Variants in MMP26 observed in about 807,000 individuals in gnomAD.
MMP26 encodes matrix metallopeptidase 26.
MMP26 carries 33 observed loss-of-function variants against 31.0 expected under a neutral mutation model. The observed-to-expected ratio is 1.06, with a 90% confidence interval of 0.81 to 1.42. The LOEUF is 1.42. MMP26 is among the 40% of genes most tolerant of loss of function. MMP26 has a pLI of 0.00. For missense variants in MMP26, 347 were observed against 316.1 expected (o/e 1.10, Z -0.74); for synonymous variants, 122 against 114.9 (o/e 1.06, Z -0.40).
Position 4,953,081 on chromosome 11 carries a change from T to A in MMP26, c.-144-34987T>A, listed in dbSNP as rs1370781792. The stretch of plus-strand genomic sequence containing the variant: ...GTCATAGTGGGAAGGAAAGTTGGAC[T>A]ATTTTTCAGCCACAAATCTAAAGCA... On this transcript the variant is annotated intron_variant, in intron 2 of 7. Transcript: ENST00000380390. 2.4e-5 allele frequency among the ~76,000 whole-genome samples: 3 copies of A among 125,556 alleles called. 1 individual carries two copies. The highest frequency in any genetic ancestry group is 5.4e-5 in the African/African-American group (2 of 36,882). 82.4% of individuals were successfully genotyped at this position (125,556 alleles called of 152,430 possible).
chr11:4,921,757 T>C (rs1456740878), intron 2 of MMP26, among the ~76,000 whole-genome samples: 2 of 152,210 alleles, frequency 1.3e-5, no homozygotes, highest in East Asian at 3.8e-4. Flanking sequence ...ATGTTTGCAG[T>C]TGTTTTCTTT....
intron 2 of MMP26, among the ~76,000 whole-genome samples, chr11:4,843,201 G>A (rs1228340141): frequency 1.3e-5 from 2 of 152,174 alleles, no homozygotes. Flanking sequence ...CCATTCTGGA[G>A]TATGGATAAT....
chr11:4,834,801 G>A (rs1849693622), intron 2 of MMP26, among the ~76,000 whole-genome samples: 1 of 151,834 alleles, frequency 6.6e-6, no homozygotes, highest in Non-Finnish European at 1.5e-5. Flanking sequence ...TACATTCCAG[G>A]GATTAAATAA....
intron 1 of MMP26, chr11:4,736,517 G>A (rs1564897868): frequency 6.6e-6 from 1 of 152,248 alleles, no homozygotes; most frequent in Non-Finnish European, 1.5e-5. Context: ...AAACACTGTT[G>A]ATCTTATTGT....
At chr11:4,847,835 T>A in intron 2 of MMP26, 1 of 157,474 alleles carries the variant, frequency 6.4e-6, no homozygotes, top group Non-Finnish European at 1.4e-5. Context: ...AAATGGAAGA[T>A]CTTCTATCTA....
chr11:4,804,307 C>T (rs575762769), intron 2 of MMP26: 14 of 1,614,026 alleles, frequency 8.7e-6, no homozygotes, highest in Non-Finnish European at 1.2e-5. Flanking sequence ...CAACTGGAAA[C>T]TCTCCAGGCC....
At chr11:4,876,383 T>C (rs1466291072) in intron 2 of MMP26, 1 of 152,210 alleles carries the variant, frequency 6.6e-6, no homozygotes, top group East Asian at 1.9e-4. Context: ...TCTCGCTTCA[T>C]GAAGCAGGGG....
At chr11:4,867,444 G>A (rs565720764) in intron 2 of MMP26, among the ~76,000 whole-genome samples, 9 of 141,240 alleles carry the variant, frequency 6.4e-5, no homozygotes, top group Non-Finnish European at 1.2e-4. Context: ...AGGCTGGAGT[G>A]CAGTGATGCA....
At chr11:4,927,582 A>G (rs1851290078) in intron 2 of MMP26, among the ~76,000 whole-genome samples, 1 of 152,062 alleles carries the variant, frequency 6.6e-6, no homozygotes, top group African/African-American at 2.4e-5. Context: ...GTGACTAGGG[A>G]TCTATGTGTT....
At chr11:4,735,947 T>G (rs1156697853) in intron 1 of MMP26, among the ~76,000 whole-genome samples, 1 of 152,178 alleles carries the variant, frequency 6.6e-6, no homozygotes, top group East Asian at 1.9e-4. Context: ...ATTTTCATAA[T>G]ATTAAGATAT....
chr11:4,922,933 C>A (rs1246765377), intron 2 of MMP26, among the ~76,000 whole-genome samples: 1 of 152,012 alleles, frequency 6.6e-6, no homozygotes. Context: ...TGAATAAAAT[C>A]TGTAATTATG....
intron 2 of MMP26, chr11:4,914,764 C>T (rs148865672): frequency 6.2e-7 from 1 of 1,613,968 alleles, no homozygotes; most frequent in Non-Finnish European, 8.5e-7. Flanking sequence ...TCTGTTTGGT[C>T]TTCACACTGT....
intron 2 of MMP26, among the ~76,000 whole-genome samples, chr11:4,868,057 G>A (rs922565301): frequency 6.6e-6 from 1 of 152,172 alleles, no homozygotes; most frequent in Admixed American, 6.6e-5. Context: ...TAATACTATG[G>A]AGCCATAAAA....
chr11:4,920,045 G>C (rs1332531144), intron 2 of MMP26, among the ~76,000 whole-genome samples: 2 of 152,136 alleles, frequency 1.3e-5, no homozygotes, highest in African/African-American at 4.8e-5. Flanking sequence ...GATTACAAGG[G>C]TATGAAGAGT....
intron 1 of MMP26, among the ~76,000 whole-genome samples, chr11:4,732,826 C>T (rs952856581): frequency 1.3e-5 from 2 of 152,134 alleles, no homozygotes; most frequent in African/African-American, 2.4e-5. Context: ...ATAAATATTC[C>T]ATTGCATGGT....
intron 1 of MMP26, among the ~76,000 whole-genome samples, chr11:4,720,938 G>GA (rs561243491): frequency 1.3e-5 from 2 of 152,078 alleles, no homozygotes; most frequent in African/African-American, 4.8e-5. Flanking sequence ...GGAAGTGTGG[G>GA]AAAAAATAAA....
chr11:4,915,339 T>C (rs1309310824), intron 2 of MMP26: 1 of 1,613,798 alleles, frequency 6.2e-7, no homozygotes, highest in Non-Finnish European at 8.5e-7. Flanking sequence ...AAGCAGTGAA[T>C]GAAAAAGAGC....
At chr11:4,919,473 C>T (rs1167210163) in intron 2 of MMP26, 1 of 152,194 alleles carries the variant, frequency 6.6e-6, no homozygotes, top group Non-Finnish European at 1.5e-5. Flanking sequence ...GCTCCCTGGA[C>T]CTCATTACCT....
intron 2 of MMP26, among the ~76,000 whole-genome samples, chr11:4,879,723 G>A (rs779435828): frequency 1.1e-4 from 16 of 152,150 alleles, no homozygotes; most frequent in African/African-American, 3.1e-4. Flanking sequence ...TTACTTATGC[G>A]TAGAAGGTAG....
Sources: gnomAD v4.1 joint callset for allele counts (sites outside exome capture counted in the v4.1 genomes callset) on GRCh38, gnomAD v4.1.1 for gene constraint, MANE v1.5 for transcripts, NCBI Gene and HGNC (gene_info 2026-07-23, HGNC 2026-07-21) for gene names.